Variants in MYL5 observed in about 807,000 individuals in gnomAD.
MYL5 encodes the protein myosin light chain 5.
A neutral mutation model predicts 20.8 loss-of-function variants in MYL5; 28 were observed. The observed-to-expected ratio is 1.35, with a 90% confidence interval of 1.00 to 1.84. MYL5 has a LOEUF of 1.84. Ranked by LOEUF, MYL5 falls within the 40% of genes most tolerant of loss-of-function variation. MYL5 has a pLI of 0.00. For missense variants in MYL5, 274 were observed against 227.3 expected (o/e 1.21, Z -1.32); for synonymous variants, 118 against 87.4 (o/e 1.35, Z -1.95).
At chr4:677,875 C>T (rs1739004168), upstream of MYL5, 11 of 1,341,126 alleles carry the variant, frequency 8.2e-6, no homozygotes, top group South Asian at 8.3e-5. Context: ...AAAGCTCACT[C>T]TGCAGCTGTC....
upstream of MYL5, chr4:676,230 C>T (rs558996007): frequency 2.0e-5 from 3 of 152,418 alleles, no homozygotes; most frequent in African/African-American, 7.2e-5. Context: ...GTTTTCCCTT[C>T]ACTGGAGTTT....
At chr4:680,793 G>T in intron 5 of MYL5, 1 of 647,148 alleles carries the variant, frequency 1.5e-6, no homozygotes, top group Admixed American at 2.9e-5. Flanking sequence ...TGCCCGGTGG[G>T]GGTGGGGCGG....
At chr4:678,787 G>A in intron 2 of MYL5, 22 bp downstream of exon 4, 1 of 1,607,806 alleles carries the variant, frequency 6.2e-7, no homozygotes, top group Non-Finnish European at 8.5e-7. Flanking sequence ...CTGCTTCACT[G>A]GGAGCCCCCA....
exon 1 of MYL5, chr4:677,965 G>A (rs1298755730): frequency 1.2e-6 from 2 of 1,612,992 alleles, no homozygotes; most frequent in African/African-American, 2.7e-5. Context: ...GACCAAGCAG[G>A]AGCTTAAGAT....
intron 3 of MYL5, 97 bp downstream of exon 5, chr4:679,130 G>C: frequency 1.0e-6 from 1 of 974,890 alleles, no homozygotes; most frequent in Non-Finnish European, 1.4e-6. Context: ...AATGGAGCCA[G>C]GGCCCGCGCC....
chr4:681,054 C>G (rs779649921), intron 5 of MYL5, 38 bp from the exon 8 acceptor site: 2 of 1,568,550 alleles, frequency 1.3e-6, no homozygotes, highest in African/African-American at 1.3e-5. Context: ...TCCTGCACCC[C>G]CGCATCAGCC....
intron 3 of MYL5, 34 bp downstream of exon 5, chr4:679,067 G>T: frequency 6.3e-7 from 1 of 1,592,830 alleles, no homozygotes; most frequent in African/African-American, 1.3e-5. Context: ...CAGAGCCCTT[G>T]GAGGAGGCGA....
At position 679,499 on chromosome 4, in the gene MYL5, C is replaced by T. The variant is rs527236426; in HGVS notation, c.188-415C>T. 4.5e-4 allele frequency among the ~76,000 whole-genome samples: 69 copies of T among 152,274 alleles called. No individual in the cohort carries two copies. The East Asian group carries it at 8.5e-3, about 19-fold the overall frequency. ...CCCTCCCCAGCTTCAGTCCTCCCTG[C>T]GGCACATTCTGTTCCCAGCAGCTGC... On this transcript the variant is annotated intron_variant, in intron 3 of 6. Coordinates refer to ENST00000400159, the Ensembl canonical transcript of MYL5.
At chr4:677,119 C>G (rs1272457018), upstream of MYL5, among the ~76,000 whole-genome samples, 1 of 152,200 alleles carries the variant, frequency 6.6e-6, no homozygotes, top group African/African-American at 2.4e-5. Flanking sequence ...GGGGCAGGTG[C>G]CCTGGGTCCT....
At chr4:678,333 C>T (rs1739064402) in intron 1 of MYL5, 2 of 1,418,682 alleles carry the variant, frequency 1.4e-6, no homozygotes, top group Non-Finnish European at 1.8e-6. Flanking sequence ...AACAAGCCCA[C>T]CCAGAGTCCA....
At chr4:679,884 T>A in intron 3 of MYL5, 30 bp from the exon 6 acceptor site, 2 of 1,588,622 alleles carry the variant, frequency 1.3e-6, no homozygotes, top group East Asian at 2.3e-5. Flanking sequence ...CAACAAGCCC[T>A]GCCCTGTGAT....
At chr4:677,115 G>C (rs557931350), upstream of MYL5, among the ~76,000 whole-genome samples, 2 of 152,346 alleles carry the variant, frequency 1.3e-5, no homozygotes, top group South Asian at 4.1e-4. Flanking sequence ...CCGAGGGGCA[G>C]GTGCCCTGGG....
exon 7 of MYL5, chr4:681,974 G>A (rs1485193303): frequency 2.1e-6 from 3 of 1,396,612 alleles, no homozygotes; most frequent in Non-Finnish European, 2.8e-6. Context: ...GATCACCCAC[G>A]GGGAGGAGAA....
chr4:679,152 C>A (rs1170967389), intron 3 of MYL5, 119 bp downstream of exon 5: 3 of 977,638 alleles, frequency 3.1e-6, no homozygotes, highest in African/African-American at 1.6e-5. Context: ...CAGAGGCCCA[C>A]CAACGGCCCT....
intron 6 of MYL5, 168 bp from the exon 9 acceptor site, chr4:681,725 G>A (rs1377081336): frequency 4.0e-6 from 1 of 249,738 alleles, no homozygotes; most frequent in Non-Finnish European, 5.7e-6. Context: ...GCGCCGCCCC[G>A]CCCCCTCCAG....
chr4:679,154 A>T, intron 3 of MYL5, 121 bp downstream of exon 5: 2 of 670,612 alleles, frequency 3.0e-6, no homozygotes, highest in Non-Finnish European at 4.4e-6. Context: ...GAGGCCCACC[A>T]ACGGCCCTGA....
chr4:675,490 C>G (rs914251266), upstream of MYL5: 1 of 152,440 alleles, frequency 6.6e-6, no homozygotes, highest in South Asian at 2.1e-4. Context: ...TTGAAGCAAG[C>G]ATGGGGAGGA....
At chr4:674,961 G>C (rs935489062), upstream of MYL5, 1 of 152,692 alleles carries the variant, frequency 6.5e-6, no homozygotes, top group African/African-American at 2.4e-5. Context: ...CTCACCCCAG[G>C]ATGCCCCATC....
In MYL5 at chr4:679,534, GAGGCA is replaced by G. The variant is rs1250900620; in HGVS notation, c.188-379_188-375del. Among the ~76,000 whole-genome samples, 3 of 152,206 alleles carry G rather than the reference GAGGCA, an allele frequency of 2.0e-5. No individual in the cohort carries two copies. In the East Asian group the frequency reaches 5.8e-4, roughly 29 times the overall value. ...TGTTCCCAGCAGCTGCCTCTGACCT[GAGGCA>G]GGAGGGCAGGGGGCTTCGGTCCTGC... On this transcript the variant is annotated intron_variant, in intron 3 of 6. Coordinates refer to ENST00000400159, the Ensembl canonical transcript of MYL5.
Sources: allele counts gnomAD v4.1 joint callset (sites outside exome capture counted in the v4.1 genomes callset), GRCh38; gene constraint gnomAD v4.1.1; transcripts MANE v1.5; gene names NCBI Gene and HGNC (gene_info 2026-07-23, HGNC 2026-07-21).